The following OLFML2B variants were observed in gnomAD, a reference collection of about 807,000 sequenced individuals.
The protein encoded by OLFML2B is olfactomedin like 2B.
Under a neutral mutation model 74.9 loss-of-function variants are expected in OLFML2B, and 57 were observed. The ratio of observed to expected loss-of-function variants is 0.76; its 90% CI spans 0.61 to 0.95. OLFML2B has a LOEUF of 0.95. Among genes scored for constraint, OLFML2B ranks in the 40% least tolerant of loss-of-function variants. The pLI, the probability that OLFML2B is intolerant of heterozygous loss-of-function variation, is 0.00. For synonymous variants in OLFML2B, 388 were observed against 405.8 expected, an observed-to-expected ratio of 0.96 and a Z score of 0.53; for missense variants, 986 against 970.6, an observed-to-expected ratio of 1.02 and a Z score of -0.21.
chr1:161,993,563 C>A (rs1399418057), intron 6 of OLFML2B, among the ~76,000 whole-genome samples: 1 of 152,184 alleles, frequency 6.6e-6, no homozygotes, highest in East Asian at 1.9e-4. Flanking sequence ...ATGCTTAGAG[C>A]CCTCTCTATC....
At chr1:162,002,877 G>A (rs1403992716) in intron 4 of OLFML2B, among the ~76,000 whole-genome samples, 1 of 152,202 alleles carries the variant, frequency 6.6e-6, no homozygotes, top group Non-Finnish European at 1.5e-5. Flanking sequence ...ATATCTGGTT[G>A]GTGGAGATGA....
At chr1:162,013,753 A>G (rs1420029960) in intron 3 of OLFML2B, among the ~76,000 whole-genome samples, 4 of 152,132 alleles carry the variant, frequency 2.6e-5, no homozygotes, top group Non-Finnish European at 4.4e-5. Flanking sequence ...CAATCCACAT[A>G]CCCATCATCA....
At chr1:161,993,206 G>T (rs1299232114) in intron 6 of OLFML2B, among the ~76,000 whole-genome samples, 1 of 152,170 alleles carries the variant, frequency 6.6e-6, no homozygotes, top group East Asian at 1.9e-4. Flanking sequence ...TTTGCACTGG[G>T]CCCCGATGCT....
chr1:162,010,410 AC>A (rs1332397676), intron 3 of OLFML2B, among the ~76,000 whole-genome samples: 1 of 152,208 alleles, frequency 6.6e-6, no homozygotes, highest in African/African-American at 2.4e-5. Context: ...AGGGAAGAGA[AC>A]GTGCAAACAA....
chr1:161,987,489 G>A (rs1039159519), intron 6 of OLFML2B, among the ~76,000 whole-genome samples: 1 of 152,200 alleles, frequency 6.6e-6, no homozygotes, highest in South Asian at 2.1e-4. Context: ...AAAAAGCAAA[G>A]ACTGAAGTGA....
chr1:161,983,496 G>A lies in OLFML2B; in HGVS notation c.*179C>T, dbSNP rs1333252792. On this transcript the variant is annotated 3_prime_UTR_variant, in exon 8 of 8. Transcript: ENST00000294794. The stretch of plus-strand genomic sequence containing the variant: ...GATGAGACCAGCACATACACGTATG[G>A]ATTGATCTACAATCCATATAAAAAA... The A allele has an allele frequency of 3.1e-6, 2 of 640,846 alleles. No individual in the cohort carries two copies. The allele number at this position is 640,846 out of a possible 1,614,324, so 39.7% of individuals were successfully genotyped here.
At chr1:161,991,763 A>G (rs1474071895) in intron 6 of OLFML2B, among the ~76,000 whole-genome samples, 1 of 152,224 alleles carries the variant, frequency 6.6e-6, no homozygotes, top group African/African-American at 2.4e-5. Context: ...TCTGAGCAGT[A>G]GGTCTCAACA....
chr1:162,022,260 T>TTTTTTTTTTTTTTTTTTTTTTC lies in OLFML2B; in HGVS notation c.174+996_174+997insGAAAAAAAAAAAAAAAAAAAAA, dbSNP rs1460566719. Among the ~76,000 whole-genome samples the TTTTTTTTTTTTTTTTTTTTTTC allele has an allele frequency of 8.6e-3, 1,101 of 127,546 alleles. 49 individuals are homozygous for TTTTTTTTTTTTTTTTTTTTTTC. Among genetic ancestry groups the TTTTTTTTTTTTTTTTTTTTTTC allele is most frequent in the African/African-American group, 0.012 (365 of 31,264 alleles). The allele number at this position is 127,546 out of a possible 152,430, so 83.7% of individuals were successfully genotyped here. ...GTATCTCTTCTTTTTTTTTTTTTTT[T>TTTTTTTTTTTTTTTTTTTTTTC]TTTTTTTTGAGACGGAGTCTCACTC... On this transcript the variant is annotated intron_variant, in intron 1 of 7. Transcript: ENST00000294794.
At chr1:162,004,415 C>T (rs1464920492) in intron 4 of OLFML2B, among the ~76,000 whole-genome samples, 1 of 152,170 alleles carries the variant, frequency 6.6e-6, no homozygotes, top group Non-Finnish European at 1.5e-5. Context: ...CAAAAAAGCA[C>T]CAAAGTAGTC....
At chr1:161,988,246 G>T (rs546042609) in intron 6 of OLFML2B, among the ~76,000 whole-genome samples, 1 of 152,154 alleles carries the variant, frequency 6.6e-6, no homozygotes, top group Non-Finnish European at 1.5e-5. Flanking sequence ...TGTTTCAAAC[G>T]TTACCAGGGT....
rs1421966218 is a variant in OLFML2B at position 161,983,854 on chromosome 1, G to A, written c.2074C>T (p.Arg692Trp). The A allele has an allele frequency of 4.3e-6, 7 of 1,614,028 alleles. No individual in the cohort carries two copies. The highest frequency in any genetic ancestry group is 3.3e-5 in the Admixed American group (2 of 60,000). ...AAAGCGTAGGAGATGTTGGCATTCC[G>A]CTGGTTGTAGCTATCCACGGCATAC... Reference protein sequence around the residue: ...VLYAVDSYNQRNANISYAFDT... With the variant: ...VLYAVDSYNQWNANISYAFDT... The change falls in exon 8 of 8, where the codon CGG (arginine) becomes TGG (tryptophan). Residue 692 changes from arginine (R) to tryptophan (W), a missense_variant. Coordinates refer to ENST00000294794, the MANE Select transcript of OLFML2B (RefSeq NM_015441.3).
At position 161,998,013 on chromosome 1, in the gene OLFML2B, G is replaced by A. The variant is rs749805939; in HGVS notation, c.1286C>T (p.Pro429Leu). 26 of 1,614,044 alleles carry A rather than the reference G, an allele frequency of 1.6e-5. No individual in the cohort carries two copies. Among genetic ancestry groups the A allele is most frequent in the Non-Finnish European group, 2.2e-5 (26 of 1,180,030 alleles). Residue 429 changes from proline to leucine, a missense_variant, in exon 6 of 8, where the codon CCA becomes CTA. Pro to Leu is a moderately conservative substitution (Grantham distance 98). Transcript: ENST00000294794. Reference sequence around the variant, plus strand: ...CACTGCCGGAGGAGCTGGGGCTGCTGGTTGCTGGGTGGCTGTGTGGGCCAC... The same window carrying A: ...CACTGCCGGAGGAGCTGGGGCTGCTAGTTGCTGGGTGGCTGTGTGGGCCAC... ...TTVAHTATQQ[P>L]AAPAPPAVSP... is the part of the protein sequence containing the mutation.
In OLFML2B at chr1:161,998,250, G is replaced by T. The variant is rs759374069; in HGVS notation, c.1049C>A (p.Ala350Glu). 7.4e-6 allele frequency: 12 copies of T among 1,611,410 alleles called. No individual in the cohort carries two copies. The African/African-American group carries it at 8.0e-5, about 11-fold the overall frequency. The change falls in exon 6 of 8, where the codon GCA (alanine) becomes GAA (glutamate). Residue 350 changes from alanine (A) to glutamate (E), a missense_variant. Transcript: ENST00000294794. ...AGTGCTGTGTCCCTGACGGGTGGCT[G>T]CAGGCCTCCGGGTGACACTGGTCAT... ...GLMTSVTRRP[A>E]ATRQGHSTAV... is the part of the protein sequence containing the mutation.
chr1:161,998,515 C>T (rs1186666754), intron 5 of OLFML2B, among the ~76,000 whole-genome samples, 166 bp from the exon 6 acceptor site: 1 of 152,066 alleles, frequency 6.6e-6, no homozygotes, highest in African/African-American at 2.4e-5. Flanking sequence ...TGTACAGGAG[C>T]GCAGGTGGAA....
chr1:162,010,140 C>G (rs539093194), intron 3 of OLFML2B, among the ~76,000 whole-genome samples: 1 of 152,318 alleles, frequency 6.6e-6, no homozygotes, highest in Admixed American at 6.5e-5. Flanking sequence ...GGAGAAAGAG[C>G]AGACAGATAG....
chr1:162,005,900 A>AGC (rs1347760950), intron 4 of OLFML2B, among the ~76,000 whole-genome samples: 3 of 99,142 alleles, frequency 3.0e-5, no homozygotes, highest in African/African-American at 1.7e-4. Flanking sequence ...GCTGGAACCT[A>AGC]TCAAAAAAAA....
rs59522277 is a variant in OLFML2B, at chr1:161,983,225, A to AG, written c.*449dup. On this transcript the variant is annotated 3_prime_UTR_variant, in exon 8 of 8. Transcript: ENST00000294794. ...AATTTCTTCTTTATTAAAAAAAAAA[A>AG]GCGTTTTTCTGGGTTTTTTAAAACT... 613 of 151,790 alleles carry AG rather than the reference A, an allele frequency of 4.0e-3. 24 individuals are homozygous for AG. In the East Asian group the frequency reaches 0.083, roughly 21 times the overall value. The allele number at this position is 151,790 out of a possible 1,614,324, so 9.4% of individuals were successfully genotyped here.
In OLFML2B at chr1:162,023,613, C is replaced by T; in HGVS notation, c.-183G>A. The T allele has an allele frequency of 2.1e-6, 1 of 478,836 alleles. No homozygotes were observed. The highest frequency in any genetic ancestry group is 3.5e-6 in the Non-Finnish European group (1 of 282,882). The allele number at this position is 478,836 out of a possible 1,614,324, so 29.7% of individuals were successfully genotyped here. A position where few individuals can be genotyped will look rare whatever the true frequency, so the allele number is the denominator to read the frequency against. On this transcript the variant is annotated 5_prime_UTR_variant, in exon 1 of 8. Transcript: ENST00000294794. The stretch of plus-strand genomic sequence containing the variant: ...GCGCCCCAGAGACTCTGGGCATCTC[C>T]TTCCCGACGCGAGCAGCCCTCGACT...
At chr1:162,002,842 G>A (rs189235134) in intron 4 of OLFML2B, among the ~76,000 whole-genome samples, 2 of 152,352 alleles carry the variant, frequency 1.3e-5, no homozygotes, top group East Asian at 3.9e-4. Context: ...TGCTGGTGAT[G>A]TAACCTCCAC....
Sources: gnomAD v4.1 joint callset for allele counts (sites outside exome capture counted in the v4.1 genomes callset) on GRCh38, gnomAD v4.1.1 for gene constraint, MANE v1.5 for transcripts, NCBI Gene and HGNC (gene_info 2026-07-23, HGNC 2026-07-21) for gene names.